MROH1: variants seen among roughly 807,000 people sequenced by gnomAD.
MROH1 encodes the protein maestro heat-like repeat-containing protein family member 1.
A neutral mutation model predicts 116.5 loss-of-function variants in MROH1; 117 were observed. That is an observed-to-expected ratio of 1.00 (90% CI 0.86 to 1.17). The LOEUF (loss-of-function observed/expected upper bound fraction) is 1.17, where lower values mean the gene tolerates loss of function less well. Among genes scored for constraint, MROH1 ranks in the 50% most tolerant of loss-of-function variants. The pLI, the probability that MROH1 is intolerant of heterozygous loss-of-function variation, is 0.00. For synonymous variants in MROH1, 921 were observed against 583.9 expected (o/e 1.58, Z -8.32); for missense variants, 1,873 against 1,338.5 (o/e 1.40, Z -6.23).
rs1229864364 is a variant in MROH1 at position 144,261,270 on chromosome 8, C to T, written c.4775-14C>T. 2 of 746,898 alleles carry T rather than the reference C, an allele frequency of 2.7e-6. No homozygotes were observed. The highest frequency in any genetic ancestry group is 3.5e-5 in the Admixed American group (2 of 57,506). 46.3% of individuals were successfully genotyped at this position (746,898 alleles called of 1,614,324 possible). A position where few individuals can be genotyped will look rare whatever the true frequency, so the allele number is the denominator to read the frequency against. Reference sequence around the variant, plus strand: ...CGCCGCCCGGCAGCCCCGCCTGATGCCCCCACTTCACAGGGTTCCTGGTGC... The same window carrying T: ...CGCCGCCCGGCAGCCCCGCCTGATGTCCCCACTTCACAGGGTTCCTGGTGC... On this transcript the variant is annotated splice_polypyrimidine_tract_variant and intron_variant, in intron 42 of 43. Coordinates refer to ENST00000326134, the MANE Select transcript of MROH1 (RefSeq NM_032450.3).
chr8:144,198,611 TA>T (rs1381012894), intron 10 of MROH1, among the ~76,000 whole-genome samples: 5 of 152,102 alleles, frequency 3.3e-5, no homozygotes, highest in African/African-American at 4.8e-5. Flanking sequence ...TTTTTACCAA[TA>T]AGACTTTTTT....
intron 14 of MROH1, among the ~76,000 whole-genome samples, chr8:144,230,920 A>G (rs1838752082): frequency 2.1e-5 from 3 of 142,398 alleles, no homozygotes; most frequent in Admixed American, 7.1e-5. Context: ...CAAGTGAACA[A>G]AGGTCTCTGG....
rs903541102 is a variant in MROH1, at chr8:144,180,336, C to T, written c.459C>T (p.Ala153=). The change falls in exon 6 of 44, where the codon GCC becomes GCT. Residue 153 remains alanine (A), a synonymous_variant. Transcript: ENST00000326134. The surrounding 1 kb of genome is among the most constrained non-coding windows in gnomAD (Gnocchi z 7.4). ...ACACCCTCGCCAGCCTCTCGGTGGC[C>T]AACGGTAGGTGACGCGCGGCCTGCC... ...VLHTLASLSV[A]NAFGVVPFLP... The T allele has an allele frequency of 1.9e-6, 3 of 1,606,562 alleles. No individual in the cohort carries two copies. The highest frequency in any genetic ancestry group is 2.2e-5 in the East Asian group (1 of 44,810).
At chr8:144,259,013 A>G in intron 36 of MROH1, 99 bp downstream of exon 36, 2 of 642,950 alleles carry the variant, frequency 3.1e-6, no homozygotes, top group East Asian at 5.4e-5. Flanking sequence ...CATGCGTGTC[A>G]GGCCAATGGT....
chr8:144,225,115 T>C (rs1305908854), intron 14 of MROH1, among the ~76,000 whole-genome samples: 3 of 152,260 alleles, frequency 2.0e-5, no homozygotes, highest in South Asian at 4.1e-4. Flanking sequence ...AATGGCCCAT[T>C]GCAGGCTCAA....
Position 144,175,184 on chromosome 8 carries a change from G to A in MROH1, c.169-4271G>A, listed in dbSNP as rs186555692. On this transcript the variant is annotated intron_variant, in intron 4 of 43. Transcript: ENST00000326134. Reference sequence around the variant, plus strand: ...CACCTGAGCTTCTCCTCCCAGCAGCGGATCTGGTCGAGTGGGTATAAATGC... The same window carrying A: ...CACCTGAGCTTCTCCTCCCAGCAGCAGATCTGGTCGAGTGGGTATAAATGC... 5.6e-3 allele frequency: 5,529 copies of A among 982,840 alleles called. 16 individuals are homozygous for A. Among genetic ancestry groups the A allele is most frequent in the Middle Eastern group, 0.014 (26 of 1,908 alleles). The allele number at this position is 982,840 out of a possible 1,614,324, so 60.9% of individuals were successfully genotyped here. A position where few individuals can be genotyped will look rare whatever the true frequency, so the allele number is the denominator to read the frequency against.
rs113198206 is a variant in MROH1 at position 144,232,792 on chromosome 8, CTATTTATTTATT to C, written c.1339-5926_1339-5915del. Reference sequence around the variant, plus strand: ...ACAGGCGTGAGCCACCGCACCTGGCCTATTTATTTATTTATTTATTTATTTATTTATTTATTT... The same window carrying C: ...ACAGGCGTGAGCCACCGCACCTGGCCTATTTATTTATTTATTTATTTATTT... On this transcript the variant is annotated intron_variant, in intron 14 of 43. Transcript: ENST00000326134. Among the ~76,000 whole-genome samples the C allele has an allele frequency of 4.5e-3, 625 of 138,014 alleles. 4 individuals carry two copies. The highest frequency in any genetic ancestry group is 0.01 in the African/African-American group (382 of 36,890). The allele number at this position is 138,014 out of a possible 152,430, so 90.5% of individuals were successfully genotyped here.
Position 144,213,097 on chromosome 8 carries a change from G to A in MROH1, c.1142-7503G>A, listed in dbSNP as rs12114251. The A allele has an allele frequency of 0.019, 14,532 of 776,878 alleles. 1,438 individuals are homozygous for A. The African/African-American group carries it at 0.22, about 12-fold the overall frequency. 48.1% of individuals were successfully genotyped at this position (776,878 alleles called of 1,614,324 possible). On this transcript the variant is annotated intron_variant, in intron 12 of 43. Transcript: ENST00000326134. The stretch of plus-strand genomic sequence containing the variant: ...CTGCTCCGCAGCCTGCTGATCTAAC[G>A]GCCGCGCCCGCGTCTGTTGCTTGAG...
rs1322389769 is a variant in MROH1 at position 144,260,074 on chromosome 8, C to A, written c.4191+17C>A. The stretch of plus-strand genomic sequence containing the variant: ...CCTGACAAGGTGGGGTGGCCACCAG[C>A]CCCTCTGGGTCCCAGGCAGCATGGG... On this transcript the variant is annotated intron_variant, in intron 38 of 43. Transcript: ENST00000326134. The A allele has an allele frequency of 5.5e-6, 4 of 730,424 alleles. No homozygotes were observed. In the Admixed American group the frequency reaches 5.6e-5, roughly 10 times the overall value. 45.2% of individuals were successfully genotyped at this position (730,424 alleles called of 1,614,324 possible).
At chr8:144,191,982 C>T (rs1038050656) in intron 9 of MROH1, 127 bp downstream of exon 9, 9 of 1,123,652 alleles carry the variant, frequency 8.0e-6, no homozygotes, top group African/African-American at 6.1e-5. Context: ...TCTGCTAAGG[C>T]TCAGTGGTGG....
chr8:144,156,631 T>C (rs1295963230), intron 1 of MROH1, among the ~76,000 whole-genome samples: 1 of 129,404 alleles, frequency 7.7e-6, no homozygotes, highest in Non-Finnish European at 1.6e-5. Context: ...ATCGCTTGAA[T>C]GTGGGAGGCA....
chr8:144,222,537 T>G (rs1836996490), intron 13 of MROH1, among the ~76,000 whole-genome samples: 1 of 152,056 alleles, frequency 6.6e-6, no homozygotes, highest in Non-Finnish European at 1.5e-5. Flanking sequence ...GGTACAGGTG[T>G]GGGTGCAGAC....
intron 4 of MROH1, among the ~76,000 whole-genome samples, chr8:144,178,077 A>G (rs553811463): frequency 4.0e-5 from 6 of 149,144 alleles, no homozygotes; most frequent in African/African-American, 1.5e-4. Flanking sequence ...CTCCTGCCTC[A>G]GCCTCCCAAG....
chr8:144,167,888 G>A (rs911327585), intron 3 of MROH1, among the ~76,000 whole-genome samples: 7 of 152,168 alleles, frequency 4.6e-5, no homozygotes, highest in African/African-American at 1.7e-4. Context: ...CCCTCGGGGA[G>A]CCTTCCTGAA....
intron 3 of MROH1, among the ~76,000 whole-genome samples, chr8:144,165,572 A>G (rs1202356003): frequency 2.0e-5 from 3 of 151,880 alleles, no homozygotes; most frequent in Non-Finnish European, 4.4e-5. Flanking sequence ...CAGGGCCTCA[A>G]TCTTTTTTGT....
At chr8:144,217,355 T>C (rs1295681423) in intron 12 of MROH1, among the ~76,000 whole-genome samples, 1 of 152,200 alleles carries the variant, frequency 6.6e-6, no homozygotes, top group Non-Finnish European at 1.5e-5. Context: ...GTACGGTGTA[T>C]ATGAACCATA....
intron 35 of MROH1, among the ~76,000 whole-genome samples, chr8:144,256,890 C>T (rs1843941276): frequency 6.6e-6 from 1 of 152,270 alleles, no homozygotes; most frequent in African/African-American, 2.4e-5. Flanking sequence ...AGCGCAGCCC[C>T]TGGTCCAGAT....
At chr8:144,207,846 T>G (rs1308691925) in intron 12 of MROH1, among the ~76,000 whole-genome samples, 1 of 152,242 alleles carries the variant, frequency 6.6e-6, no homozygotes, top group Non-Finnish European at 1.5e-5. Context: ...TTTTAGATGC[T>G]TTATTGTTTG....
intron 10 of MROH1, among the ~76,000 whole-genome samples, chr8:144,196,307 T>A (rs1039199046): frequency 7.7e-5 from 11 of 141,982 alleles, no homozygotes; most frequent in African/African-American, 2.5e-4. Context: ...AAAAAAAAAA[T>A]TCAGTAATTT....
Sources: gnomAD v4.1 joint callset for allele counts (sites outside exome capture counted in the v4.1 genomes callset) on GRCh38, gnomAD v4.1.1 for gene constraint, Gnocchi (gnomAD v3.1) non-coding constraint, MANE v1.5 for transcripts, NCBI Gene and HGNC (gene_info 2026-07-23, HGNC 2026-07-21) for gene names.